IMMT: variants seen among roughly 807,000 people sequenced by gnomAD.
IMMT encodes the protein MICOS complex subunit MIC60.
Under a neutral mutation model 92.7 loss-of-function variants are expected in IMMT, and 40 were observed. That is an observed-to-expected ratio of 0.43 (90% confidence interval 0.34 to 0.56). IMMT has a LOEUF of 0.56. Among genes scored for constraint, IMMT ranks in the 20% least tolerant of loss-of-function variants. IMMT has a pLI of 0.03. For synonymous variants in IMMT, 322 were observed against 336.1 expected, an observed-to-expected ratio of 0.96 and a Z score of 0.46; for missense variants, 831 against 912.1, an observed-to-expected ratio of 0.91 and a Z score of 1.14.
intron 1 of IMMT, among the ~76,000 whole-genome samples, chr2:86,193,607 G>A (rs1056175293): frequency 6.6e-6 from 1 of 151,956 alleles, no homozygotes; most frequent in Non-Finnish European, 1.5e-5. Flanking sequence ...TATATTTCGA[G>A]GTACAAAGCA....
intron 10 of IMMT, among the ~76,000 whole-genome samples, chr2:86,158,181 A>T (rs1421051526): frequency 1.3e-5 from 2 of 152,256 alleles, no homozygotes; most frequent in Non-Finnish European, 2.9e-5. Flanking sequence ...GTCACAGAGC[A>T]GACATAAAGT....
intron 8 of IMMT, 90 bp from the exon 9 acceptor site, chr2:86,159,761 G>T: frequency 8.5e-7 from 1 of 1,177,584 alleles, no homozygotes; most frequent in Non-Finnish European, 1.2e-6. Context: ...ATTGTTAAAA[G>T]TCTATGAAAC....
At chr2:86,145,017 C>T in intron 14 of IMMT, 136 bp from the exon 15 acceptor site, 3 of 985,454 alleles carry the variant, frequency 3.0e-6, no homozygotes, top group South Asian at 3.6e-5. Flanking sequence ...TACAACCCCA[C>T]CCCCACCACT....
At chr2:86,152,439 T>TAAAAA (rs1271940357) in intron 11 of IMMT, among the ~76,000 whole-genome samples, 1 of 27,566 alleles carries the variant, frequency 3.6e-5, no homozygotes. Flanking sequence ...AGACTCCATC[T>TAAAAA]CAAAAAAAAA....
At chr2:86,156,086 G>T (rs1465906552) in intron 10 of IMMT, among the ~76,000 whole-genome samples, 2 of 152,106 alleles carry the variant, frequency 1.3e-5, no homozygotes, top group Non-Finnish European at 2.9e-5. Context: ...TCTCAACCTT[G>T]GTGCTACTGG....
In IMMT at chr2:86,194,433, G is replaced by C. The variant is rs1289560462; in HGVS notation, c.45+905C>G. Among the ~76,000 whole-genome samples the C allele has an allele frequency of 2.6e-5, 4 of 152,268 alleles. No homozygotes were observed. The East Asian group carries it at 7.7e-4, about 29-fold the overall frequency. On this transcript the variant is annotated intron_variant, in intron 1 of 14. Coordinates refer to ENST00000410111, the MANE Select transcript of IMMT (RefSeq NM_006839.3). ...TGCTTCTGTTACCTAGCAGCAAATAGGAAGAGAAGCGAACTTGAAAAAACA... is the reference window on the plus strand; with the variant it reads ...TGCTTCTGTTACCTAGCAGCAAATACGAAGAGAAGCGAACTTGAAAAAACA...
In IMMT at chr2:86,166,525, C is replaced by T. The variant is rs774225262; in HGVS notation, c.775G>A (p.Ala259Thr). Reference protein sequence around the residue: ...VNAHSNILKAAMDNSEIAGEK... With the variant: ...VNAHSNILKATMDNSEIAGEK... ...GGGCTCACCTCAGAATTGTCCATGG[C>T]GGCTTTCAATATGTTGGAGTGTGCA... Residue 259 changes from alanine to threonine, a missense_variant, in exon 7 of 15, where the codon GCC (alanine) becomes ACC (threonine). By Grantham distance (58) the Ala-to-Thr change is moderately conservative (BLOSUM62 0). Coordinates refer to ENST00000410111, the MANE Select transcript of IMMT (RefSeq NM_006839.3). 3.1e-6 allele frequency: 5 copies of T among 1,611,204 alleles called. No individual in the cohort carries two copies. Among genetic ancestry groups the T allele is most frequent in the East Asian group, 2.2e-5 (1 of 44,840 alleles).
At chr2:86,184,856 G>C (rs953278217) in intron 1 of IMMT, among the ~76,000 whole-genome samples, 2 of 152,106 alleles carry the variant, frequency 1.3e-5, no homozygotes, top group Non-Finnish European at 2.9e-5. Flanking sequence ...ATTAAGTATA[G>C]CTGTAGCTAC....
At chr2:86,194,762 G>C (rs1673409650) in intron 1 of IMMT, among the ~76,000 whole-genome samples, 2 of 152,162 alleles carry the variant, frequency 1.3e-5, no homozygotes, top group South Asian at 4.1e-4. Context: ...GTCTTTCCTT[G>C]AAGACCAGGA....
intron 1 of IMMT, among the ~76,000 whole-genome samples, chr2:86,182,004 A>T (rs1408193189): frequency 6.6e-6 from 1 of 152,238 alleles, no homozygotes; most frequent in Non-Finnish European, 1.5e-5. Context: ...CTGTCCCCAT[A>T]TAACTAGTCT....
chr2:86,147,793 G>A lies in IMMT; in HGVS notation c.1442C>T (p.Thr481Ile). 2 of 1,613,866 alleles carry A rather than the reference G, an allele frequency of 1.2e-6. No homozygotes were observed. Among genetic ancestry groups the A allele is most frequent in the Non-Finnish European group, 1.7e-6 (2 of 1,179,814 alleles). ...GGCAGCTGCCTGTCGGCGAAGCTGG[G>A]TTCTCATTTCATTTTCCATGGCATC... is the stretch of plus-strand genomic sequence containing the variant. ...VRDAMENEMR[T>I]QLRRQAAAHT... The change falls in exon 13 of 15, where the codon ACC becomes ATC. Residue 481 changes from threonine to isoleucine, a missense_variant. By Grantham distance (89) the Thr-to-Ile change is moderately conservative. Coordinates refer to ENST00000410111, the MANE Select transcript of IMMT (RefSeq NM_006839.3).
At chr2:86,162,111 A>T in intron 7 of IMMT, 32 bp from the exon 8 acceptor site, 1 of 1,322,976 alleles carries the variant, frequency 7.6e-7, no homozygotes, top group Non-Finnish European at 1.0e-6. Flanking sequence ...TATAATAAAT[A>T]ACTGCTATTA....
chr2:86,180,080 A>T (rs747068872), intron 2 of IMMT, among the ~76,000 whole-genome samples: 5 of 151,756 alleles, frequency 3.3e-5, no homozygotes, highest in Non-Finnish European at 7.4e-5. Context: ...CTTGTCTCAA[A>T]AAATAAATAA....
Position 86,144,268 on chromosome 2 carries a change from TCA to T in IMMT, c.2275_2276del (p.Ter759ArgfsTer21). 1 of 1,613,230 alleles carries T rather than the reference TCA, an allele frequency of 6.2e-7. No homozygotes were observed. Among genetic ancestry groups the T allele is most frequent in the Non-Finnish European group, 8.5e-7 (1 of 1,179,286 alleles). The stretch of plus-strand genomic sequence containing the variant: ...GACTTTATGAAAATCTTCCTAAACC[TCA>T]CTCTGGCTGCACCTGAGTGGTTCCT... ...GIGTTQVQPE[*>X] is the part of the protein sequence containing the mutation. On this transcript the variant is annotated frameshift_variant and stop_lost, in exon 15 of 15. Coordinates refer to ENST00000410111, the MANE Select transcript of IMMT (RefSeq NM_006839.3). LOFTEE classifies it high-confidence loss of function.
At chr2:86,149,752 C>T (rs973176411) in intron 12 of IMMT, among the ~76,000 whole-genome samples, 2 of 152,056 alleles carry the variant, frequency 1.3e-5, no homozygotes, top group Non-Finnish European at 2.9e-5. Context: ...GTGGCATGCA[C>T]CTGTAAGTCT....
At chr2:86,184,255 C>G (rs1672611353) in intron 1 of IMMT, among the ~76,000 whole-genome samples, 1 of 152,052 alleles carries the variant, frequency 6.6e-6, no homozygotes, top group Admixed American at 6.5e-5. Flanking sequence ...ACTGTAACCT[C>G]TAACTCCTGG....
At position 86,162,072 on chromosome 2, in the gene IMMT, C is replaced by A; in HGVS notation, c.800G>T (p.Gly267Val). Residue 267 changes from glycine (G) to valine (V), a missense_variant, in exon 8 of 15, where the codon GGC (glycine) becomes GTC (valine). Transcript: ENST00000410111. ...GCGCCACTGAGCAGATTTCTTCTCG[C>A]CTGCAATCTAAACAAAAAATTTTAA... ...KAAMDNSEIA[G>V]EKKSAQWRTV... 1 of 1,579,368 alleles carries A rather than the reference C, an allele frequency of 6.3e-7. No homozygotes were observed. Among genetic ancestry groups the A allele is most frequent in the Non-Finnish European group, 8.6e-7 (1 of 1,165,962 alleles).
intron 1 of IMMT, among the ~76,000 whole-genome samples, chr2:86,188,176 A>G (rs540027160): frequency 7.3e-4 from 111 of 152,050 alleles, no homozygotes; most frequent in Middle Eastern, 3.4e-3. Flanking sequence ...AGTAGCTGGG[A>G]TTACAGGTGT....
In IMMT at chr2:86,151,308, G is replaced by T; in HGVS notation, c.1390C>A (p.Gln464Lys). Residue 464 changes from glutamine (Q) to lysine (K), a missense_variant, in exon 12 of 15, where the codon CAG (glutamine) becomes AAG (lysine). By Grantham distance (53) the Gln-to-Lys change is moderately conservative. Transcript: ENST00000410111. The stretch of plus-strand genomic sequence containing the variant: ...CTCATTTCTCTTACCTTTCTGTCCT[G>T]TTCAGCCTGTATTTCACTTCTGTGA... ...EHHRSEIQAE[Q>K]DRKIEEVRDA... 6.2e-7 allele frequency: 1 copy of T among 1,611,472 alleles called. No individual in the cohort carries two copies. The highest frequency in any genetic ancestry group is 8.5e-7 in the Non-Finnish European group (1 of 1,177,996).
Sources: allele counts gnomAD v4.1 joint callset (sites outside exome capture counted in the v4.1 genomes callset), GRCh38; gene constraint gnomAD v4.1.1; transcripts MANE v1.5; gene names NCBI Gene and HGNC (gene_info 2026-07-23, HGNC 2026-07-21).